Variants in MND1 observed in about 807,000 individuals in gnomAD.
MND1 encodes the protein meiotic nuclear divisions 1.
In MND1, 28 loss-of-function variants were observed where a neutral mutation model predicts 35.1. That is an observed-to-expected ratio of 0.80 (90% CI 0.59 to 1.09). The LOEUF (loss-of-function observed/expected upper bound fraction) is 1.09, where lower values mean the gene tolerates loss of function less well. MND1 is among the 50% of genes least tolerant of loss of function. The pLI, the probability that MND1 is intolerant of heterozygous loss-of-function variation, is 0.00. For missense variants in MND1, 213 were observed against 239.6 expected, an observed-to-expected ratio of 0.89 and a Z score of 0.73; for synonymous variants, 69 against 70.5, an observed-to-expected ratio of 0.98 and a Z score of 0.11.
chr4:153,414,324 C>A (rs1263050595), intron 7 of MND1, among the ~76,000 whole-genome samples: 2 of 151,728 alleles, frequency 1.3e-5, no homozygotes, highest in Non-Finnish European at 2.9e-5. Context: ...TCCTGTTGCC[C>A]AGGCTGGAGT....
At chr4:153,380,840 GA>G (rs1461837265) in intron 4 of MND1, among the ~76,000 whole-genome samples, 1 of 151,916 alleles carries the variant, frequency 6.6e-6, no homozygotes, top group Admixed American at 6.6e-5. Flanking sequence ...AAATAATGCT[GA>G]AAAGTATAAT....
At chr4:153,401,681 T>G (rs1248861473) in intron 6 of MND1, among the ~76,000 whole-genome samples, 1 of 152,214 alleles carries the variant, frequency 6.6e-6, no homozygotes, top group Admixed American at 6.5e-5. Context: ...AGGATTTGGT[T>G]CTTAGTAGCA....
rs574093209 is a variant in MND1 at position 153,379,255 on chromosome 4, A to T, written c.277-15007A>T. Among the ~76,000 whole-genome samples, 3 of 145,826 alleles carry T rather than the reference A, an allele frequency of 2.1e-5. 1 individual carries two copies. The highest frequency in any genetic ancestry group is 7.7e-5 in the African/African-American group (3 of 38,876). ...CAGTGAGCCGAGATCCTGCCACTGC[A>T]CTCCAGCCTGGGCGACAGAGCGAGA... On this transcript the variant is annotated intron_variant, in intron 4 of 7. Transcript: ENST00000240488.
Position 153,404,641 on chromosome 4 carries a change from AT to A in MND1, c.467-4321del, listed in dbSNP as rs545768457. On this transcript the variant is annotated intron_variant, in intron 6 of 7. Coordinates refer to ENST00000240488, the MANE Select transcript of MND1 (RefSeq NM_032117.4). ...AGGTGCTCACCACCACGCCTGGCTA[AT>A]TTTTTTTTGCATTTTTAGTAGAAAC... Among the ~76,000 whole-genome samples the A allele has an allele frequency of 2.6e-4, 38 of 145,830 alleles. No homozygotes were observed. In the East Asian group the frequency reaches 7.3e-3, roughly 28 times the overall value.
At chr4:153,359,762 CAT>C (rs1773433772) in intron 4 of MND1, among the ~76,000 whole-genome samples, 1 of 139,110 alleles carries the variant, frequency 7.2e-6, no homozygotes, top group South Asian at 2.4e-4. Context: ...TCTCTAATGA[CAT>C]ATGATTTGGA....
chr4:153,384,331 T>C (rs1006305913), intron 4 of MND1, among the ~76,000 whole-genome samples: 16 of 143,936 alleles, frequency 1.1e-4, no homozygotes, highest in African/African-American at 3.9e-4. Context: ...AGTGTAGTGG[T>C]GCAATCATGG....
intron 4 of MND1, among the ~76,000 whole-genome samples, chr4:153,377,868 T>G (rs1191619648): frequency 6.6e-6 from 1 of 152,210 alleles, no homozygotes; most frequent in Non-Finnish European, 1.5e-5. Flanking sequence ...TATAGTTGTA[T>G]GTGCCTTGTT....
chr4:153,404,333 C>T (rs1202637348), intron 6 of MND1, among the ~76,000 whole-genome samples: 1 of 147,452 alleles, frequency 6.8e-6, no homozygotes, highest in East Asian at 2.0e-4. Context: ...AGGCACGTGC[C>T]ACCACGCCCA....
chr4:153,402,770 T>G (rs1729377989), intron 6 of MND1, among the ~76,000 whole-genome samples: 1 of 152,188 alleles, frequency 6.6e-6, no homozygotes, highest in Non-Finnish European at 1.5e-5. Context: ...TGGGGAGTGT[T>G]TGTCTATAAC....
intron 5 of MND1, among the ~76,000 whole-genome samples, chr4:153,396,957 A>G (rs1379887734): frequency 1.3e-5 from 2 of 152,142 alleles, no homozygotes; most frequent in Non-Finnish European, 2.9e-5. Context: ...CCTCCCACCT[A>G]TTTATGAGCA....
chr4:153,403,354 C>G (rs1729395752), intron 6 of MND1, among the ~76,000 whole-genome samples: 1 of 152,184 alleles, frequency 6.6e-6, no homozygotes, highest in East Asian at 1.9e-4. Flanking sequence ...CATGTCGCAG[C>G]ACATGCAAAC....
intron 4 of MND1, among the ~76,000 whole-genome samples, chr4:153,387,446 A>G (rs945195461): frequency 6.6e-6 from 1 of 152,082 alleles, no homozygotes; most frequent in Non-Finnish European, 1.5e-5. Context: ...CCTTTATTAG[A>G]AGATACAAAT....
intron 4 of MND1, among the ~76,000 whole-genome samples, chr4:153,387,470 G>T (rs931903069): frequency 1.3e-5 from 2 of 151,828 alleles, no homozygotes; most frequent in Non-Finnish European, 2.9e-5. Context: ...AAATTTTAAC[G>T]TAAACAAGGC....
chr4:153,404,467 G>A (rs973103735), intron 6 of MND1, among the ~76,000 whole-genome samples: 3 of 146,810 alleles, frequency 2.0e-5, no homozygotes, highest in African/African-American at 7.6e-5. Context: ...TGCGATTACA[G>A]GTGTGAGCCA....
intron 5 of MND1, among the ~76,000 whole-genome samples, chr4:153,394,760 T>A (rs946340258): frequency 2.0e-5 from 3 of 152,132 alleles, no homozygotes; most frequent in African/African-American, 7.2e-5. Flanking sequence ...TTAAAAAAAA[T>A]TTTTGCATAG....
In MND1 at chr4:153,344,849, C is replaced by T. The variant is rs150811122; in HGVS notation, c.3+109C>T. The T allele has an allele frequency of 1.3e-4, 202 of 1,504,866 alleles. No individual in the cohort carries two copies. In the African/African-American group the frequency reaches 2.3e-3, roughly 17 times the overall value. The allele number at this position is 1,504,866 out of a possible 1,614,324, so 93.2% of individuals were successfully genotyped here. A position where few individuals can be genotyped will look rare whatever the true frequency, so the allele number is the denominator to read the frequency against. On this transcript the variant is annotated intron_variant, in intron 1 of 7. Coordinates refer to ENST00000240488, the MANE Select transcript of MND1 (RefSeq NM_032117.4). ...CCTGGCGTTGACCGCCATTCCGGGC[C>T]GCGGGAGCGGTCGCCCGGCTCTCGG...
At chr4:153,357,418 G>A (rs574651585) in intron 3 of MND1, among the ~76,000 whole-genome samples, 1 of 152,302 alleles carries the variant, frequency 6.6e-6, no homozygotes, top group East Asian at 1.9e-4. Flanking sequence ...AAATCTGCAT[G>A]TAATTTTTGA....
chr4:153,367,577 CCATT>C (rs1387388045), intron 4 of MND1, among the ~76,000 whole-genome samples: 2 of 152,196 alleles, frequency 1.3e-5, no homozygotes, highest in African/African-American at 2.4e-5. Context: ...TCTCATGTAT[CCATT>C]CATCTGTTGA....
chr4:153,391,206 C>T (rs933614001), intron 4 of MND1, among the ~76,000 whole-genome samples: 1 of 151,604 alleles, frequency 6.6e-6, no homozygotes, highest in Admixed American at 6.6e-5. Context: ...CCCTGTTGCC[C>T]AGGCTGGAGC....
Sources: gnomAD v4.1 joint callset for allele counts (sites outside exome capture counted in the v4.1 genomes callset) on GRCh38, gnomAD v4.1.1 for gene constraint, MANE v1.5 for transcripts, NCBI Gene and HGNC (gene_info 2026-07-23, HGNC 2026-07-21) for gene names.